SORL1: variants seen among roughly 807,000 people sequenced by gnomAD.
The protein encoded by SORL1 is sortilin related receptor 1, also known as sortilin-related receptor.
A neutral mutation model predicts 273.7 loss-of-function variants in SORL1; 127 were observed. The observed-to-expected ratio is 0.46, with a 90% confidence interval of 0.40 to 0.54. The LOEUF is 0.54. Among genes scored for constraint, SORL1 ranks in the 20% least tolerant of loss-of-function variants. SORL1 has a pLI of 0.00. For synonymous variants in SORL1, 1,031 were observed against 1,067.4 expected, an observed-to-expected ratio of 0.97 and a Z score of 0.66; for missense variants, 2,494 against 2,846.1, an observed-to-expected ratio of 0.88 and a Z score of 2.81.
At chr11:121,521,945 T>A (rs1261642855) in intron 9 of SORL1, among the ~76,000 whole-genome samples, 1 of 152,226 alleles carries the variant, frequency 6.6e-6, no homozygotes, top group Admixed American at 6.5e-5. Flanking sequence ...GCAAAGGGTG[T>A]TGTCCTGATT....
At chr11:121,604,047 T>C in intron 32 of SORL1, 146 bp from the exon 33 acceptor site, 1 of 962,894 alleles carries the variant, frequency 1.0e-6, no homozygotes. Flanking sequence ...TTAGTGCCGG[T>C]ATAGATTCCA....
chr11:121,533,947 G>A (rs1862235149), intron 12 of SORL1, among the ~76,000 whole-genome samples: 1 of 152,194 alleles, frequency 6.6e-6, no homozygotes, highest in South Asian at 2.1e-4. Context: ...CTCAGACAAC[G>A]ACCATCACAG....
chr11:121,608,437 G>T, intron 38 of SORL1: 1 of 429,282 alleles, frequency 2.3e-6, no homozygotes, highest in South Asian at 3.9e-5. Flanking sequence ...AGGCCATCAT[G>T]CGCAGCCCTT....
At chr11:121,488,582 C>A (rs1485566774) in intron 4 of SORL1, among the ~76,000 whole-genome samples, 1 of 152,158 alleles carries the variant, frequency 6.6e-6, no homozygotes, top group Non-Finnish European at 1.5e-5. Context: ...TCTGCTTTCT[C>A]CATCCTCCAT....
intron 39 of SORL1, 76 bp from the exon 40 acceptor site, chr11:121,612,660 T>C: frequency 9.2e-7 from 1 of 1,089,560 alleles, no homozygotes. Flanking sequence ...AAGAGGTGTA[T>C]TTTTAATCCT....
intron 31 of SORL1, among the ~76,000 whole-genome samples, chr11:121,593,451 A>G (rs1863245986): frequency 6.6e-6 from 1 of 152,126 alleles, no homozygotes; most frequent in Non-Finnish European, 1.5e-5. Context: ...TCTCTTGGAG[A>G]TACTCCTTCT....
intron 12 of SORL1, 85 bp from the exon 13 acceptor site, chr11:121,543,463 C>T (rs1223312242): frequency 9.8e-6 from 11 of 1,124,656 alleles, no homozygotes; most frequent in South Asian, 7.5e-5. Flanking sequence ...GCCCTGGTTC[C>T]TGTTCCTGGT....
intron 2 of SORL1, among the ~76,000 whole-genome samples, chr11:121,475,497 GTTTTACCTCCATGTGCACGATGGCAGC>G (rs1861251020): frequency 6.6e-6 from 1 of 152,192 alleles, no homozygotes; most frequent in Non-Finnish European, 1.5e-5. Context: ...AGTGAAGGTG[GTTTTACCTCCATGTGCACGATGGCAGC>G]GGCATGGCTG....
rs566459157 is a variant in SORL1 at position 121,548,116 on chromosome 11, G to T, written c.2052-1844G>T. ...TATGACCCTGTACTTACATATGTACGTGTAGATACATACACACATATAATT... is the reference window on the plus strand; with the variant it reads ...TATGACCCTGTACTTACATATGTACTTGTAGATACATACACACATATAATT... On this transcript the variant is annotated intron_variant, in intron 14 of 47. Coordinates refer to ENST00000260197, the MANE Select transcript of SORL1 (RefSeq NM_003105.6). Among the ~76,000 whole-genome samples, 75 of 152,256 alleles carry T rather than the reference G, an allele frequency of 4.9e-4. 1 individual carries two copies. The South Asian group carries it at 0.013, about 27-fold the overall frequency.
chr11:121,554,115 T>G lies in SORL1; in HGVS notation c.2439+6T>G. 6.2e-7 allele frequency: 1 copy of G among 1,612,890 alleles called. No homozygotes were observed. Among genetic ancestry groups the G allele is most frequent in the South Asian group, 1.1e-5 (1 of 90,946 alleles). ...TGGCCTTGGACGTCATCCAGGTGAGTCAGCGCTTGGTCTGACTGTGGGAGC... is the reference window on the plus strand; with the variant it reads ...TGGCCTTGGACGTCATCCAGGTGAGGCAGCGCTTGGTCTGACTGTGGGAGC... On this transcript the variant is annotated splice_donor_region_variant and intron_variant, in intron 17 of 47. Transcript: ENST00000260197. The surrounding 1 kb of genome is among the most constrained non-coding windows in gnomAD (Gnocchi z 4.6).
rs757353140 is a variant in SORL1, at chr11:121,545,230, C to T, written c.1865-13C>T. The T allele has an allele frequency of 6.2e-7, 1 of 1,613,830 alleles. No individual in the cohort carries two copies. The highest frequency in any genetic ancestry group is 8.5e-7 in the Non-Finnish European group (1 of 1,179,794). On this transcript the variant is annotated splice_polypyrimidine_tract_variant and intron_variant, in intron 13 of 47. Transcript: ENST00000260197. ...TGCCTCTAATGCTTCGTGCTGTGTT[C>T]CTTTTTCTTTAGGAGTTCCCTGCAC...
At chr11:121,518,308 A>G (rs75370039) in intron 8 of SORL1, among the ~76,000 whole-genome samples, 1 of 152,284 alleles carries the variant, frequency 6.6e-6, no homozygotes, top group East Asian at 1.9e-4. Context: ...AATGGAAGAA[A>G]GTAGACCCTC....
chr11:121,574,482 T>A, intron 24 of SORL1, 119 bp downstream of exon 24: 1 of 891,890 alleles, frequency 1.1e-6, no homozygotes, highest in Non-Finnish European at 1.7e-6. Flanking sequence ...TATGATATTC[T>A]AGCTGAATGG....
intron 14 of SORL1, among the ~76,000 whole-genome samples, chr11:121,546,289 G>A (rs1462453488): frequency 6.6e-6 from 1 of 150,608 alleles, no homozygotes; most frequent in Non-Finnish European, 1.5e-5. Context: ...GCCTTCAGCG[G>A]CTTTTGAGGA....
intron 8 of SORL1, among the ~76,000 whole-genome samples, chr11:121,519,051 G>A (rs190815105): frequency 3.0e-4 from 45 of 148,606 alleles, no homozygotes; most frequent in African/African-American, 9.9e-4. Flanking sequence ...GGGTTCAAGC[G>A]ATTCTCCTGC....
rs776826453 is a variant in SORL1 at position 121,452,573 on chromosome 11, G to A, written c.242G>A (p.Arg81Gln). The part of the protein sequence containing the change: ...RADEKPLRRK[R>Q]SAALQPEPIK... ...GACGAGAAGCCGCTCCGGAGGAAAC[G>A]GAGCGCTGCCCTGCAGCCCGAGCCC... Residue 81 changes from arginine (R) to glutamine (Q), a missense_variant, in exon 1 of 48, where the codon CGG becomes CAG. Transcript: ENST00000260197. The surrounding 1 kb of genome is among the most constrained non-coding windows in gnomAD (Gnocchi z 5.3). 6.6e-7 allele frequency: 1 copy of A among 1,520,408 alleles called. No individual in the cohort carries two copies. Among genetic ancestry groups the A allele is most frequent in the East Asian group, 2.6e-5 (1 of 37,796 alleles). 94.2% of individuals were successfully genotyped at this position (1,520,408 alleles called of 1,614,324 possible). A position where few individuals can be genotyped will look rare whatever the true frequency, so the allele number is the denominator to read the frequency against.
In SORL1 at chr11:121,586,271, C is replaced by G; in HGVS notation, c.3756C>G (p.Ser1252=). The part of the protein sequence containing the change: ...FRCPNGTCIP[S]SKHCDGLRDC... ...GCCCAAACGGCACTTGCATCCCATC[C>G]AGCAAACATTGTGATGGTCTGCGTG... The change falls in exon 27 of 48, where the codon TCC becomes TCG. Residue 1252 remains serine (S), a synonymous_variant. Coordinates refer to ENST00000260197, the MANE Select transcript of SORL1 (RefSeq NM_003105.6). 1 of 1,614,114 alleles carries G rather than the reference C, an allele frequency of 6.2e-7. No homozygotes were observed. The highest frequency in any genetic ancestry group is 8.5e-7 in the Non-Finnish European group (1 of 1,179,966).
chr11:121,461,024 G>A (rs1860991452), intron 1 of SORL1, among the ~76,000 whole-genome samples: 1 of 152,230 alleles, frequency 6.6e-6, no homozygotes. Flanking sequence ...TGGGGACAGA[G>A]CAGAGTGGGG....
chr11:121,472,277 G>C (rs1861182534), intron 2 of SORL1, among the ~76,000 whole-genome samples: 1 of 152,196 alleles, frequency 6.6e-6, no homozygotes, highest in Non-Finnish European at 1.5e-5. Context: ...GCTATACTGT[G>C]TTGAGAAATC....
Sources: allele counts gnomAD v4.1 joint callset (sites outside exome capture counted in the v4.1 genomes callset), GRCh38; gene constraint gnomAD v4.1.1; non-coding constraint Gnocchi (gnomAD v3.1); transcripts MANE v1.5; gene names NCBI Gene and HGNC (gene_info 2026-07-23, HGNC 2026-07-21).